MAPKAPK3: variants seen among roughly 807,000 people sequenced by gnomAD.
MAPKAPK3 encodes MAP kinase-activated protein kinase 3.
MAPKAPK3 carries 35 observed loss-of-function variants against 49.2 expected under a neutral mutation model. The observed-to-expected ratio is 0.71, with a 90% CI of 0.54 to 0.94. The LOEUF (loss-of-function observed/expected upper bound fraction) is 0.94, where lower values mean the gene tolerates loss of function less well. Ranked by LOEUF, MAPKAPK3 falls within the 40% of genes least tolerant of loss-of-function variation. The probability of loss-of-function intolerance (pLI) is 0.00; values close to 1 mark genes in which losing one functional copy is unlikely to be tolerated. For missense variants in MAPKAPK3, 398 were observed against 493.1 expected, an observed-to-expected ratio of 0.81 and a Z score of 1.83; for synonymous variants, 178 against 188.7, an observed-to-expected ratio of 0.94 and a Z score of 0.46.
rs2033243027 is a variant in MAPKAPK3 at position 50,644,453 on chromosome 3, T to TA, written c.551dup (p.Leu185AlafsTer8). Reference sequence around the variant, plus strand: ...CATCTAAGGAGAAAGACGCAGTGCTTAAGCTCACCGATTTTGGCTTTGCTA... The same window carrying TA: ...CATCTAAGGAGAAAGACGCAGTGCTTAAAGCTCACCGATTTTGGCTTTGCTA... On this transcript the variant is annotated frameshift_variant, in exon 6 of 11. Coordinates refer to ENST00000621469, the MANE Select transcript of MAPKAPK3 (RefSeq NM_001243925.2). LOFTEE classifies it high-confidence loss of function. 6.2e-7 allele frequency: 1 copy of TA among 1,614,064 alleles called. No homozygotes were observed. The highest frequency in any genetic ancestry group is 1.3e-5 in the African/African-American group (1 of 74,930).
At chr3:50,637,837 C>T (rs2033081254) in intron 2 of MAPKAPK3, among the ~76,000 whole-genome samples, 1 of 151,918 alleles carries the variant, frequency 6.6e-6, no homozygotes, top group African/African-American at 2.4e-5. Context: ...ATGACAGGGA[C>T]CAGCACAGAC....
intron 2 of MAPKAPK3, among the ~76,000 whole-genome samples, chr3:50,632,917 T>G (rs997931153): frequency 9.9e-5 from 15 of 152,134 alleles, no homozygotes; most frequent in Admixed American, 4.6e-4. Flanking sequence ...CATGTGTGGG[T>G]GGGTGGACCT....
At chr3:50,645,494 AG>A (rs1201845863) in intron 6 of MAPKAPK3, among the ~76,000 whole-genome samples, 1 of 152,174 alleles carries the variant, frequency 6.6e-6, no homozygotes, top group African/African-American at 2.4e-5. Flanking sequence ...CAAGGGAGCT[AG>A]GGGTATGTCT....
chr3:50,647,827 G>C (rs1467596408), intron 10 of MAPKAPK3, 67 bp from the exon 11 acceptor site: 1 of 1,483,160 alleles, frequency 6.7e-7, no homozygotes, highest in Non-Finnish European at 9.1e-7. Context: ...GCCCAGGCAG[G>C]GGGGTGATGG....
intron 2 of MAPKAPK3, among the ~76,000 whole-genome samples, chr3:50,628,552 C>CT (rs1411723788): frequency 6.6e-6 from 1 of 152,192 alleles, no homozygotes; most frequent in African/African-American, 2.4e-5. Context: ...GAAAAATCCC[C>CT]TTTTCCTCTT....
intron 2 of MAPKAPK3, among the ~76,000 whole-genome samples, chr3:50,629,646 T>G (rs974293622): frequency 6.6e-6 from 1 of 152,186 alleles, no homozygotes; most frequent in Non-Finnish European, 1.5e-5. Flanking sequence ...AGTCCTGCTG[T>G]GCATGGTCCC....
chr3:50,640,360 C>G lies in MAPKAPK3; in HGVS notation c.220-6C>G, dbSNP rs764577115. On this transcript the variant is annotated splice_region_variant and splice_polypyrimidine_tract_variant and intron_variant, in intron 2 of 10. Transcript: ENST00000621469. ...CCTGACACTTTCTATGTGCACCCAC[C>G]TACAGCTCCTGTATGACAGCCCCAA... is the stretch of plus-strand genomic sequence containing the variant. 2 of 1,612,176 alleles carry G rather than the reference C, an allele frequency of 1.2e-6. No homozygotes were observed. The highest frequency in any genetic ancestry group is 1.7e-6 in the Non-Finnish European group (2 of 1,178,880).
intron 2 of MAPKAPK3, among the ~76,000 whole-genome samples, chr3:50,632,993 G>A (rs2032949352): frequency 6.6e-6 from 1 of 152,210 alleles, no homozygotes; most frequent in Non-Finnish European, 1.5e-5. Context: ...GTTCCCAAGA[G>A]TCACTGCAGA....
At chr3:50,639,357 C>G (rs1042758076) in intron 2 of MAPKAPK3, among the ~76,000 whole-genome samples, 3 of 152,158 alleles carry the variant, frequency 2.0e-5, no homozygotes, top group African/African-American at 7.2e-5. Context: ...ACCTCTGGGT[C>G]CTTACCGGTG....
At chr3:50,646,392 C>A in intron 8 of MAPKAPK3, 128 bp downstream of exon 8, 1 of 1,285,742 alleles carries the variant, frequency 7.8e-7, no homozygotes, top group Non-Finnish European at 1.1e-6. Context: ...GCTATGGGAC[C>A]CTAGGCAAGT....
Position 50,634,596 on chromosome 3 carries a change from C to A in MAPKAPK3, c.220-5770C>A, listed in dbSNP as rs549240111. On this transcript the variant is annotated intron_variant, in intron 2 of 10. Transcript: ENST00000621469. The stretch of plus-strand genomic sequence containing the variant: ...CTCCACTTCCCGGGTTCAAGCCATT[C>A]TCCTGCCTCAGCCTTCCAAGTAGCT... Among the ~76,000 whole-genome samples, 14 of 152,114 alleles carry A rather than the reference C, an allele frequency of 9.2e-5. No individual in the cohort carries two copies. In the East Asian group the frequency reaches 2.5e-3, roughly 27 times the overall value.
chr3:50,647,449 G>C (rs1559491559), intron 10 of MAPKAPK3, among the ~76,000 whole-genome samples: 1 of 152,216 alleles, frequency 6.6e-6, no homozygotes, highest in Non-Finnish European at 1.5e-5. Context: ...CTTGGATGAT[G>C]ACCTCTCTTA....
At chr3:50,626,038 G>A (rs1482014974) in intron 2 of MAPKAPK3, among the ~76,000 whole-genome samples, 1 of 151,526 alleles carries the variant, frequency 6.6e-6, no homozygotes, top group East Asian at 2.0e-4. Context: ...AGTGGACTCA[G>A]GAGTTCTTGG....
intron 2 of MAPKAPK3, among the ~76,000 whole-genome samples, chr3:50,620,895 T>C (rs758514643): frequency 1.3e-5 from 2 of 152,212 alleles, no homozygotes; most frequent in African/African-American, 4.8e-5. Context: ...CTCCCAGGCT[T>C]AACTAGTTAA....
chr3:50,641,854 C>G, intron 4 of MAPKAPK3, 83 bp downstream of exon 4: 3 of 1,170,768 alleles, frequency 2.6e-6, no homozygotes, highest in African/African-American at 1.5e-5. Flanking sequence ...TAGGCAAGAC[C>G]CTGTTCCTCT....
chr3:50,646,172 C>G lies in MAPKAPK3; in HGVS notation c.737C>G (p.Thr246Arg), dbSNP rs746597729. ...GGCTTCCCACCCTTCTACTCCAACA[C>G]GGGCCAGGCCATCTCCCCGGGGATG... ...LCGFPPFYSNTGQAISPGMKR... is the reference protein window; with the variant it reads ...LCGFPPFYSNRGQAISPGMKR... Residue 246 changes from threonine (T) to arginine (R), a missense_variant, in exon 8 of 11, where the codon ACG becomes AGG. Physicochemically the swap from Thr to Arg is moderately conservative, Grantham distance 71 (BLOSUM62 -1). This residue lies in a region of MAPKAPK3 where 152 missense variants were observed against 177.3 expected (regional missense o/e 0.86). Coordinates refer to ENST00000621469, the MANE Select transcript of MAPKAPK3 (RefSeq NM_001243925.2). 2.5e-6 allele frequency: 4 copies of G among 1,614,150 alleles called. No homozygotes were observed. The highest frequency in any genetic ancestry group is 3.4e-6 in the Non-Finnish European group (4 of 1,180,010).
At chr3:50,629,961 C>T (rs1483796356) in intron 2 of MAPKAPK3, among the ~76,000 whole-genome samples, 2 of 152,226 alleles carry the variant, frequency 1.3e-5, no homozygotes, top group African/African-American at 2.4e-5. Context: ...GGAACCTCAG[C>T]TACTCCCTCC....
intron 2 of MAPKAPK3, among the ~76,000 whole-genome samples, chr3:50,627,467 T>G (rs1039262942): frequency 2.0e-5 from 3 of 152,182 alleles, no homozygotes; most frequent in Admixed American, 2.0e-4. Context: ...GCAAGGGCTA[T>G]ATTCTGCCAG....
At chr3:50,612,164 G>A (rs935667511), upstream of MAPKAPK3, 2 of 154,962 alleles carry the variant, frequency 1.3e-5, no homozygotes, top group Middle Eastern at 3.0e-3. Context: ...CCGGGTCGGG[G>A]AAGTTAAGGA....
Sources: allele counts gnomAD v4.1 joint callset (sites outside exome capture counted in the v4.1 genomes callset), GRCh38; gene constraint gnomAD v4.1.1; regional missense constraint gnomAD v4.1.1; transcripts MANE v1.5; gene names NCBI Gene and HGNC (gene_info 2026-07-23, HGNC 2026-07-21).